Variants in PKD1 observed in about 807,000 individuals in gnomAD.
The protein encoded by PKD1 is polycystin-1.
PKD1 carries 81 observed loss-of-function variants against 361.7 expected under a neutral mutation model. The observed-to-expected ratio is 0.22, with a 90% CI of 0.19 to 0.27. The LOEUF is 0.27. Ranked by LOEUF, PKD1 falls within the 10% of genes least tolerant of loss-of-function variation. The pLI is 1.00. For missense variants in PKD1, 6,399 were observed against 6,118.3 expected (o/e 1.05, Z -1.53); for synonymous variants, 3,615 against 2,818.3 (o/e 1.28, Z -8.95).
In PKD1 at chr16:2,119,118, C is replaced by T. The variant is rs1248093078; in HGVS notation, c.355G>A (p.Glu119Lys). 2.5e-5 allele frequency: 31 copies of T among 1,224,442 alleles called. No homozygotes were observed. The highest frequency in any genetic ancestry group is 3.5e-5 in the Non-Finnish European group (30 of 849,152). 75.8% of individuals were successfully genotyped at this position (1,224,442 alleles called of 1,614,324 possible). The change falls in exon 3 of 46, where the codon GAA becomes AAA. Residue 119 changes from glutamate to lysine, a missense_variant. Physicochemically the swap from Glu to Lys is moderately conservative, Grantham distance 56 (BLOSUM62 1). Coordinates refer to ENST00000262304, the MANE Select transcript of PKD1 (RefSeq NM_001009944.3). ...ACCCAAAGAACCACAACTTACATTTCACTTAAATTAAATAAATTAGCAAAT... is the reference window on the plus strand; with the variant it reads ...ACCCAAAGAACCACAACTTACATTTTACTTAAATTAAATAAATTAGCAAAT... ...GIFANLFNLS[E>K]INLSGNPFEC...
rs761800438 is a variant in PKD1 at position 2,099,987 on chromosome 16, A to G, written c.9797T>C (p.Ile3266Thr). 1.9e-6 allele frequency: 3 copies of G among 1,564,288 alleles called. No individual in the cohort carries two copies. Among genetic ancestry groups the G allele is most frequent in the South Asian group, 1.2e-5 (1 of 85,830 alleles). ...ACGGCTACGAGGCGGCCGGTCCCAT[A>G]TGGAGAGCCAGATGTGCTTGTCAAA... is the stretch of plus-strand genomic sequence containing the variant. ...GFFDKHIWLS[I>T]WDRPPRSRFT... Residue 3266 changes from isoleucine to threonine, a missense_variant, in exon 29 of 46, where the codon ATA becomes ACA. By Grantham distance (89) the Ile-to-Thr change is moderately conservative. Transcript: ENST00000262304.
Position 2,090,209 on chromosome 16 carries a change from G to A in PKD1, c.12445-15C>T. On this transcript the variant is annotated splice_polypyrimidine_tract_variant and intron_variant, in intron 45 of 45. Coordinates refer to ENST00000262304, the MANE Select transcript of PKD1 (RefSeq NM_001009944.3). ...TTGTGGCGGAACTGGGGGCGGCACA[G>A]GGGCTCAGTCAGTCCGGCTGCACCC... The A allele has an allele frequency of 4.4e-6, 7 of 1,607,746 alleles. No individual in the cohort carries two copies. Among genetic ancestry groups the A allele is most frequent in the South Asian group, 1.1e-5 (1 of 90,694 alleles).
intron 40 of PKD1, 47 bp from the exon 41 acceptor site, chr16:2,091,953 AC>A (rs749246687): frequency 1.9e-6 from 3 of 1,611,686 alleles, no homozygotes; most frequent in Non-Finnish European, 2.5e-6. Context: ...CCCTTCCGGC[AC>A]CCCGGAGCCA....
Position 2,090,018 on chromosome 16 carries a change from C to T in PKD1, c.12621G>A (p.Arg4207=). 2 of 1,610,402 alleles carry T rather than the reference C, an allele frequency of 1.2e-6. No individual in the cohort carries two copies. The highest frequency in any genetic ancestry group is 1.1e-5 in the South Asian group (1 of 90,842). The change falls in exon 46 of 46, where the codon AGG becomes AGA. Residue 4207 remains arginine (R), a synonymous_variant. Transcript: ENST00000262304. ...GGAGGCGGGAGGGCTCAGGCTCACA[C>T]CTTGTCCCCAGCCGGCCCAGGCTCA... ...LSVSLGRLGT[R]CEPEPSRLQA...
In PKD1 at chr16:2,108,424, T is replaced by C. The variant is rs756491561; in HGVS notation, c.6743A>G (p.Asn2248Ser). The C allele has an allele frequency of 1.2e-5, 19 of 1,610,420 alleles. No individual in the cohort carries two copies. The highest frequency in any genetic ancestry group is 1.6e-5 in the Non-Finnish European group (19 of 1,179,730). The change falls in exon 15 of 46, where the codon AAT (asparagine) becomes AGT (serine). Residue 2248 changes from asparagine to serine, a missense_variant. By Grantham distance (46) the Asn-to-Ser change is conservative. Coordinates refer to ENST00000262304, the MANE Select transcript of PKD1 (RefSeq NM_001009944.3). ...CAGGCGCTCGGGGGCCACCGTCACA[T>C]TGGCCTGGATGCTCTGTGTCAGTGG... The part of the protein sequence containing the change: ...DTPLTQSIQA[N>S]VTVAPERLVP...
intron 39 of PKD1, 123 bp downstream of exon 39, chr16:2,092,357 G>A (rs370503160): frequency 4.1e-6 from 4 of 970,116 alleles, no homozygotes; most frequent in Non-Finnish European, 4.7e-6. Flanking sequence ...AGAAGGAAAC[G>A]GCGGTGTTAA....
Position 2,099,659 on chromosome 16 carries a change from C to G in PKD1, c.10035G>C (p.Arg3345=). The G allele has an allele frequency of 6.3e-7, 1 of 1,592,880 alleles. No individual in the cohort carries two copies. Among genetic ancestry groups the G allele is most frequent in the Non-Finnish European group, 8.5e-7 (1 of 1,177,714 alleles). ...PVYLAILFLF[R]MSRSKVAGSP... is the part of the protein sequence containing the mutation. ...CCCAGCCCACCTTGCTCCGGGACAT[C>G]CGGAAGAGAAAAAGGATGGCCAGGT... Residue 3345 remains arginine (R), a synonymous_variant, in exon 30 of 46, where the codon CGG becomes CGC. Coordinates refer to ENST00000262304, the MANE Select transcript of PKD1 (RefSeq NM_001009944.3).
At position 2,097,222 on chromosome 16, in the gene PKD1, C is replaced by G. The variant is rs1456606682; in HGVS notation, c.10425G>C (p.Gln3475His). 2 of 1,579,072 alleles carry G rather than the reference C, an allele frequency of 1.3e-6. No individual in the cohort carries two copies. The highest frequency in any genetic ancestry group is 1.7e-6 in the Non-Finnish European group (2 of 1,162,420). Residue 3475 changes from glutamine (Q) to histidine (H), a missense_variant, in exon 34 of 46, where the codon CAG becomes CAC. Gln to His is a conservative substitution (Grantham distance 24). Coordinates refer to ENST00000262304, the MANE Select transcript of PKD1 (RefSeq NM_001009944.3). ...GGCTGCTGACCCCCTCGGCAAGGAC[C>G]TGCTGGATCAGGTCTTCATCTAGAG... ...FSASDEDLIQ[Q>H]VLAEGVSSPA... is the part of the protein sequence containing the mutation.
In PKD1 at chr16:2,111,166, G is replaced by A. The variant is rs374040681; in HGVS notation, c.4001C>T (p.Ser1334Phe). ...GCACCCCCGCACGGTCGTGTTGGAGGAGCCATCCCCGAAGGTCCAGTCGAA... is the reference window on the plus strand; with the variant it reads ...GCACCCCCGCACGGTCGTGTTGGAGAAGCCATCCCCGAAGGTCCAGTCGAA... ...YLFDWTFGDG[S>F]SNTTVRGCPT... Residue 1334 changes from serine to phenylalanine, a missense_variant, in exon 15 of 46, where the codon TCC becomes TTC. Physicochemically the swap from Ser to Phe is radical, Grantham distance 155 (BLOSUM62 -2). Transcript: ENST00000262304. 7 of 1,611,190 alleles carry A rather than the reference G, an allele frequency of 4.3e-6. No homozygotes were observed. The highest frequency in any genetic ancestry group is 4.0e-5 in the African/African-American group (3 of 74,886).
Position 2,103,363 on chromosome 16 carries a change from C to T in PKD1, c.8694G>A (p.Val2898=), listed in dbSNP as rs141252776. ...CACCGACGGAGGCCTGGGGCTGGAC[C>T]ACAACGGAGTTGGCGGAGTTGGCGG... The part of the protein sequence containing the change: ...RSSANSANSV[V]VQPQASVGAV... The change falls in exon 23 of 46, where the codon GTG becomes GTA. Residue 2898 remains valine, a synonymous_variant. Coordinates refer to ENST00000262304, the MANE Select transcript of PKD1 (RefSeq NM_001009944.3). 62 of 1,603,660 alleles carry T rather than the reference C, an allele frequency of 3.9e-5. No individual in the cohort carries two copies. In the African/African-American group the frequency reaches 8.0e-4, roughly 21 times the overall value.
In PKD1 at chr16:2,089,857, C is replaced by T; in HGVS notation, c.12782G>A (p.Gly4261Asp). The part of the protein sequence containing the change: ...SSRAPAGSSR[G>D]PSPGLRPALP... ...TGCTGGCCGCAGGCCCGGGGATGGG[C>T]CACGGGAAGATCCGGCGGGCGCCCG... The change falls in exon 46 of 46, where the codon GGC becomes GAC. Residue 4261 changes from glycine to aspartate, a missense_variant. Physicochemically the swap from Gly to Asp is moderately conservative, Grantham distance 94. Transcript: ENST00000262304. The T allele has an allele frequency of 3.1e-6, 5 of 1,608,600 alleles. No individual in the cohort carries two copies. The highest frequency in any genetic ancestry group is 4.2e-6 in the Non-Finnish European group (5 of 1,178,330).
chr16:2,101,857 C>T (rs1031640393), intron 26 of PKD1: 6 of 618,842 alleles, frequency 9.7e-6, no homozygotes, highest in South Asian at 5.6e-5. Flanking sequence ...CTGACTGGCA[C>T]CTACTTCCAG....
chr16:2,118,960 A>G lies in PKD1; in HGVS notation c.360-115T>C. 1 of 785,918 alleles carries G rather than the reference A, an allele frequency of 1.3e-6. No individual in the cohort carries two copies. The highest frequency in any genetic ancestry group is 1.5e-5 in the South Asian group (1 of 64,652). The allele number at this position is 785,918 out of a possible 1,614,324, so 48.7% of individuals were successfully genotyped here. On this transcript the variant is annotated intron_variant, in intron 3 of 45. Transcript: ENST00000262304. This position sits in a 1 kb window ranked among gnomAD's most constrained non-coding sequence, Gnocchi z 6.0. ...TGACAGCACCGCCTCCCCTGCCCCAACCAAGCCGGCACTGGGGGGCTCCAA... is the reference window on the plus strand; with the variant it reads ...TGACAGCACCGCCTCCCCTGCCCCAGCCAAGCCGGCACTGGGGGGCTCCAA...
chr16:2,118,264 G>A lies in PKD1; in HGVS notation c.728C>T (p.Ala243Val), dbSNP rs1429021597. ...GGGGCCGGAGCAGAGGGACAGGCAG[G>A]CAAAGGAGGCACTGGAGGGCTGGGC... Reference protein sequence around the residue: ...GAAQPSSASFACLSLCSGPPP... With the variant: ...GAAQPSSASFVCLSLCSGPPP... Residue 243 changes from alanine to valine, a missense_variant, in exon 5 of 46, where the codon GCC (alanine) becomes GTC (valine). Physicochemically the swap from Ala to Val is moderately conservative, Grantham distance 64 (BLOSUM62 0). Coordinates refer to ENST00000262304, the MANE Select transcript of PKD1 (RefSeq NM_001009944.3). The surrounding 1 kb of genome is among the most constrained non-coding windows in gnomAD (Gnocchi z 6.0). 2.6e-6 allele frequency: 4 copies of A among 1,533,354 alleles called. No homozygotes were observed. The highest frequency in any genetic ancestry group is 2.4e-5 in the East Asian group (1 of 41,008). 95.0% of individuals were successfully genotyped at this position (1,533,354 alleles called of 1,614,324 possible). A position where few individuals can be genotyped will look rare whatever the true frequency, so the allele number is the denominator to read the frequency against.
At position 2,118,054 on chromosome 16, in the gene PKD1, T is replaced by G; in HGVS notation, c.938A>C (p.Glu313Ala). Residue 313 changes from glutamate (E) to alanine (A), a missense_variant, in exon 5 of 46, where the codon GAG becomes GCG. Transcript: ENST00000262304. The surrounding 1 kb of genome is among the most constrained non-coding windows in gnomAD (Gnocchi z 6.0). ...TRWDFGDGSA[E>A]VDAAGPAASH... is the part of the protein sequence containing the mutation. ...GGCAGCCGGCCCAGCGGCATCCACC[T>G]CGGCGGAGCCGTCTCCGAAGTCCCA... 6.2e-7 allele frequency: 1 copy of G among 1,604,760 alleles called. No homozygotes were observed. The highest frequency in any genetic ancestry group is 2.2e-5 in the East Asian group (1 of 44,848).
Position 2,110,510 on chromosome 16 carries a change from C to T in PKD1, c.4657G>A (p.Val1553Ile), listed in dbSNP as rs200049385. The T allele has an allele frequency of 8.6e-5, 139 of 1,612,014 alleles. No homozygotes were observed. The highest frequency in any genetic ancestry group is 7.1e-4 in the African/African-American group (53 of 75,036). Residue 1553 changes from valine to isoleucine, a missense_variant, in exon 15 of 46, where the codon GTC becomes ATC. Coordinates refer to ENST00000262304, the MANE Select transcript of PKD1 (RefSeq NM_001009944.3). Reference sequence around the variant, plus strand: ...GGCACCACCGTGCGGCTTGCATTGACGACGAGCCCCCGCACGCGCCGCTTC... The same window carrying T: ...GGCACCACCGTGCGGCTTGCATTGATGACGAGCCCCCGCACGCGCCGCTTC... The part of the protein sequence containing the change: ...TVKRRVRGLV[V>I]NASRTVVPLN...
In PKD1 at chr16:2,118,031, C is replaced by T. The variant is rs1167771480; in HGVS notation, c.961G>A (p.Ala321Thr). Residue 321 changes from alanine (A) to threonine (T), a missense_variant, in exon 5 of 46, where the codon GCC (alanine) becomes ACC (threonine). Transcript: ENST00000262304. This position sits in a 1 kb window ranked among gnomAD's most constrained non-coding sequence, Gnocchi z 6.0. ...SAEVDAAGPA[A>T]SHRYVLPGRY... ...CCAGGCAGCACATAGCGATGCGAGG[C>T]AGCCGGCCCAGCGGCATCCACCTCG... 2 of 1,599,878 alleles carry T rather than the reference C, an allele frequency of 1.3e-6. No individual in the cohort carries two copies. Among genetic ancestry groups the T allele is most frequent in the African/African-American group, 2.7e-5 (2 of 74,810 alleles).
rs751698065 is a variant in PKD1 at position 2,105,862 on chromosome 16, C to T, written c.7863+3G>A. 4 of 1,595,726 alleles carry T rather than the reference C, an allele frequency of 2.5e-6. No individual in the cohort carries two copies. The highest frequency in any genetic ancestry group is 2.2e-5 in the East Asian group (1 of 44,880). ...GTGACGTCCCCTCCCAGGCTGCACT[C>T]ACCTCGTTCAGCACGGTGACCAGGG... On this transcript the variant is annotated splice_donor_region_variant and intron_variant, in intron 20 of 45. Coordinates refer to ENST00000262304, the MANE Select transcript of PKD1 (RefSeq NM_001009944.3).
rs1220969449 is a variant in PKD1, at chr16:2,118,969, G to C, written c.360-124C>G. The C allele has an allele frequency of 1.3e-5, 11 of 829,350 alleles. No homozygotes were observed. In the East Asian group the frequency reaches 2.6e-4, roughly 20 times the overall value. 51.4% of individuals were successfully genotyped at this position (829,350 alleles called of 1,614,324 possible). The stretch of plus-strand genomic sequence containing the variant: ...CGCCTCCCCTGCCCCAACCAAGCCG[G>C]CACTGGGGGGCTCCAAGCAGGCAGT... On this transcript the variant is annotated intron_variant, in intron 3 of 45. Coordinates refer to ENST00000262304, the MANE Select transcript of PKD1 (RefSeq NM_001009944.3). This position sits in a 1 kb window ranked among gnomAD's most constrained non-coding sequence, Gnocchi z 6.0.
Sources: allele counts gnomAD v4.1 joint callset, GRCh38; gene constraint gnomAD v4.1.1; non-coding constraint Gnocchi (gnomAD v3.1); transcripts MANE v1.5; gene names NCBI Gene and HGNC (gene_info 2026-07-23, HGNC 2026-07-21).